The following DNAH10 variants were observed in gnomAD, a reference collection of about 807,000 sequenced individuals.
The protein encoded by DNAH10 is dynein axonemal heavy chain 10, also known as axonemal beta dynein heavy chain 10.
In DNAH10, 348 loss-of-function variants were observed where a neutral mutation model predicts 506.6. The observed-to-expected ratio is 0.69, with a 90% CI of 0.63 to 0.75. DNAH10 has a LOEUF of 0.75. Among genes scored for constraint, DNAH10 ranks in the 30% least tolerant of loss-of-function variants. The probability of loss-of-function intolerance (pLI) is 0.00; values close to 1 mark genes in which losing one functional copy is unlikely to be tolerated. For synonymous variants in DNAH10, 2,059 were observed against 2,198.6 expected (o/e 0.94, Z 1.78); for missense variants, 5,179 against 5,787.1 (o/e 0.89, Z 3.41).
chr12:123,873,641 C>G lies in DNAH10; in HGVS notation c.7869C>G (p.Thr2623=). ...RNLEANVEKR[T]KDTYGPPMGK... ...TAGAAGCAAATGTGGAAAAGCGAACCAAAGATACTTACGGCCCACCCATGG... is the reference window on the plus strand; with the variant it reads ...TAGAAGCAAATGTGGAAAAGCGAACGAAAGATACTTACGGCCCACCCATGG... The change falls in exon 46 of 79, where the codon ACC becomes ACG. Residue 2623 remains threonine, a synonymous_variant. Transcript: ENST00000673944. The G allele has an allele frequency of 6.8e-6, 11 of 1,613,760 alleles. No homozygotes were observed. The highest frequency in any genetic ancestry group is 9.3e-6 in the Non-Finnish European group (11 of 1,179,826).
chr12:123,800,988 G>A (rs1412631763), intron 15 of DNAH10, among the ~76,000 whole-genome samples: 2 of 151,984 alleles, frequency 1.3e-5, no homozygotes. Context: ...CTGCACTCCA[G>A]CCTAGGCGAC....
Position 123,916,217 on chromosome 12 carries a change from G to A in DNAH10, c.10723-240G>A, listed in dbSNP as rs920962515. On this transcript the variant is annotated intron_variant, in intron 62 of 78. Transcript: ENST00000673944. This position sits in a 1 kb window ranked among gnomAD's most constrained non-coding sequence, Gnocchi z 4.6. ...TTAAAGAGGAGGGGTTCTAGCTTACGGGAGAGGGGCTGAGGAATCCCCTTC... is the reference window on the plus strand; with the variant it reads ...TTAAAGAGGAGGGGTTCTAGCTTACAGGAGAGGGGCTGAGGAATCCCCTTC... Among the ~76,000 whole-genome samples the A allele has an allele frequency of 3.3e-5, 5 of 152,150 alleles. No individual in the cohort carries two copies. The highest frequency in any genetic ancestry group is 9.7e-5 in the African/African-American group (4 of 41,410).
Position 123,813,145 on chromosome 12 carries a change from C to G in DNAH10, c.3145-19C>G. On this transcript the variant is annotated intron_variant, in intron 19 of 78. Transcript: ENST00000673944. ...AGATACTAAAATACTGTCTTTTCTCCTAATTCTTACTTTGCCAGCATTTTG... is the reference window on the plus strand; with the variant it reads ...AGATACTAAAATACTGTCTTTTCTCGTAATTCTTACTTTGCCAGCATTTTG... 1 of 1,579,052 alleles carries G rather than the reference C, an allele frequency of 6.3e-7. No individual in the cohort carries two copies. Among genetic ancestry groups the G allele is most frequent in the Non-Finnish European group, 8.6e-7 (1 of 1,160,160 alleles).
intron 12 of DNAH10, among the ~76,000 whole-genome samples, chr12:123,795,045 G>A (rs1242490808): frequency 2.0e-5 from 3 of 151,344 alleles, no homozygotes; most frequent in South Asian, 2.1e-4. Flanking sequence ...CTACTCAGGA[G>A]GCTGAGGCAG....
chr12:123,839,191 T>C (rs1950676225), intron 29 of DNAH10, among the ~76,000 whole-genome samples: 1 of 148,576 alleles, frequency 6.7e-6, no homozygotes, highest in African/African-American at 2.5e-5. Context: ...TTTTCCACAG[T>C]CCAAAACCTT....
chr12:123,768,437 CCTCT>C (rs1173921825), intron 2 of DNAH10, among the ~76,000 whole-genome samples: 1 of 152,046 alleles, frequency 6.6e-6, no homozygotes, highest in Non-Finnish European at 1.5e-5. Context: ...ACCCGGCCGT[CCTCT>C]CTCCCTCTTA....
At chr12:123,860,982 G>C in intron 38 of DNAH10, 30 bp from the exon 39 acceptor site, 1 of 1,613,794 alleles carries the variant, frequency 6.2e-7, no homozygotes, top group Non-Finnish European at 8.5e-7. Flanking sequence ...TAGTTGTCTT[G>C]AACCATGGCT....
chr12:123,779,784 CA>C (rs1312289030), intron 5 of DNAH10, among the ~76,000 whole-genome samples: 1 of 152,048 alleles, frequency 6.6e-6, no homozygotes, highest in Non-Finnish European at 1.5e-5. Context: ...TCTACAAATC[CA>C]ACATTCTGGG....
intron 52 of DNAH10, among the ~76,000 whole-genome samples, chr12:123,889,643 G>T (rs1566053849): frequency 6.6e-6 from 1 of 152,182 alleles, no homozygotes; most frequent in Non-Finnish European, 1.5e-5. Context: ...GGCAGACAGG[G>T]AAGGCGTCAC....
chr12:123,817,911 A>G lies in DNAH10; in HGVS notation c.3781-1039A>G, dbSNP rs76618338. 9.8e-3 allele frequency among the ~76,000 whole-genome samples: 1,489 copies of G among 151,998 alleles called. 20 individuals carry two copies. The highest frequency in any genetic ancestry group is 0.034 in the African/African-American group (1,396 of 41,490). The stretch of plus-strand genomic sequence containing the variant: ...TTTGAAGCTGGGCTTTAGTTTATGA[A>G]GGGCTTATCTCTCTGTAATATCTCT... On this transcript the variant is annotated intron_variant, in intron 21 of 78. Coordinates refer to ENST00000673944, the MANE Select transcript of DNAH10 (RefSeq NM_001372106.1).
rs370550691 is a variant in DNAH10 at position 123,926,604 on chromosome 12, G to A, written c.11922-33G>A. 4.2e-5 allele frequency: 68 copies of A among 1,602,338 alleles called. No individual in the cohort carries two copies. The highest frequency in any genetic ancestry group is 1.1e-4 in the East Asian group (5 of 44,700). On this transcript the variant is annotated intron_variant, in intron 68 of 78. Coordinates refer to ENST00000673944, the MANE Select transcript of DNAH10 (RefSeq NM_001372106.1). This position sits in a 1 kb window ranked among gnomAD's most constrained non-coding sequence, Gnocchi z 4.1. Reference sequence around the variant, plus strand: ...GCCCCTGGTCTGGAGCTGTCCTCGCGGGAGAGTTTTCTGACTGTGTTTCTT... The same window carrying A: ...GCCCCTGGTCTGGAGCTGTCCTCGCAGGAGAGTTTTCTGACTGTGTTTCTT...
At position 123,926,465 on chromosome 12, in the gene DNAH10, G is replaced by A. The variant is rs1954947908; in HGVS notation, c.11922-172G>A. The A allele has an allele frequency of 3.1e-6, 2 of 647,436 alleles. No homozygotes were observed. Among genetic ancestry groups the A allele is most frequent in the Admixed American group, 3.4e-5 (1 of 29,010 alleles). The allele number at this position is 647,436 out of a possible 1,614,324, so 40.1% of individuals were successfully genotyped here. ...CACTCAGGAGTTCCCCATCAGGGTG[G>A]GAGACGTGCATAGAAACTAGAATCT... On this transcript the variant is annotated intron_variant, in intron 68 of 78. Coordinates refer to ENST00000673944, the MANE Select transcript of DNAH10 (RefSeq NM_001372106.1). This position sits in a 1 kb window ranked among gnomAD's most constrained non-coding sequence, Gnocchi z 4.1.
chr12:123,798,959 G>T (rs12581010), intron 13 of DNAH10, among the ~76,000 whole-genome samples: 1 of 149,288 alleles, frequency 6.7e-6, no homozygotes, highest in Non-Finnish European at 1.5e-5. Flanking sequence ...ACAAAAATTA[G>T]CTGGGTGTGG....
chr12:123,924,694 C>T (rs1304297863), intron 67 of DNAH10, among the ~76,000 whole-genome samples: 1 of 151,874 alleles, frequency 6.6e-6, no homozygotes, highest in Non-Finnish European at 1.5e-5. Context: ...ACCCACCGAC[C>T]CATTCATCTA....
chr12:123,787,856 A>C lies in DNAH10; in HGVS notation c.1474A>C (p.Arg492=), dbSNP rs1411090488. 1 of 1,614,050 alleles carries C rather than the reference A, an allele frequency of 6.2e-7. No individual in the cohort carries two copies. Among genetic ancestry groups the C allele is most frequent in the African/African-American group, 1.3e-5 (1 of 75,064 alleles). ...SKTLEARNTL[R]LWKKAYFDTR... ...AACCTTGGAAGCCAGGAACACCCTC[A>C]GGCTGTGGAAAAAGGCCTATTTTGA... The change falls in exon 10 of 79, where the codon AGG becomes CGG. Residue 492 remains arginine (R), a synonymous_variant. Transcript: ENST00000673944. The surrounding 1 kb of genome is among the most constrained non-coding windows in gnomAD (Gnocchi z 4.6).
At chr12:123,769,914 T>G (rs1957184209) in intron 2 of DNAH10, among the ~76,000 whole-genome samples, 1 of 22,532 alleles carries the variant, frequency 4.4e-5, no homozygotes, top group Non-Finnish European at 1.2e-4. Context: ...CCACCATGCC[T>G]GGCTAAGGTT....
chr12:123,897,855 C>T lies in DNAH10; in HGVS notation c.9366C>T (p.Ser3122=), dbSNP rs61748878. 1.4e-4 allele frequency: 222 copies of T among 1,611,342 alleles called. No individual in the cohort carries two copies. In the African/African-American group the frequency reaches 2.3e-3, roughly 17 times the overall value. ...VLVHQSVDHY[S]QQFLQKLRRS... is the part of the protein sequence containing the mutation. ...TTCACCAATCCGTGGACCACTACAG[C>T]CAACAGTTTCTACAGAAATTGAGGC... The change falls in exon 55 of 79, where the codon AGC becomes AGT. Residue 3122 remains serine, a synonymous_variant. Transcript: ENST00000673944.
intron 12 of DNAH10, 49 bp from the exon 13 acceptor site, chr12:123,796,607 T>C: frequency 1.3e-6 from 2 of 1,509,988 alleles, no homozygotes; most frequent in Non-Finnish European, 1.8e-6. Context: ...CTTTCTTGGC[T>C]AACCTGGCGA....
chr12:123,765,831 A>G (rs1039353754), intron 1 of DNAH10, among the ~76,000 whole-genome samples: 11 of 146,560 alleles, frequency 7.5e-5, no homozygotes, highest in African/African-American at 2.9e-4. Flanking sequence ...ATCTATCTCT[A>G]TCTATATATC....
Sources: gnomAD v4.1 joint callset for allele counts (sites outside exome capture counted in the v4.1 genomes callset) on GRCh38, gnomAD v4.1.1 for gene constraint, Gnocchi (gnomAD v3.1) non-coding constraint, MANE v1.5 for transcripts, NCBI Gene and HGNC (gene_info 2026-07-23, HGNC 2026-07-21) for gene names.